DYNC2I2: variants seen among roughly 807,000 people sequenced by gnomAD.
DYNC2I2 encodes the protein cytoplasmic dynein 2 intermediate chain 2.
DYNC2I2 carries 39 observed loss-of-function variants against 52.0 expected under a neutral mutation model. The ratio of observed to expected loss-of-function variants is 0.75; its 90% confidence interval spans 0.58 to 0.98. The LOEUF (loss-of-function observed/expected upper bound fraction) is 0.98, where lower values mean the gene tolerates loss of function less well. Ranked by LOEUF, DYNC2I2 falls within the 50% of genes least tolerant of loss-of-function variation. The probability of loss-of-function intolerance (pLI) is 0.00; values close to 1 mark genes in which losing one functional copy is unlikely to be tolerated. For missense variants in DYNC2I2, 743 were observed against 728.4 expected (o/e 1.02, Z -0.23); for synonymous variants, 359 against 321.1 (o/e 1.12, Z -1.26).
the DYNC2I2 span, among the ~76,000 whole-genome samples, chr9:128,674,965 C>G: frequency 6.6e-6 from 1 of 151,940 alleles, no homozygotes. Flanking sequence ...GAAACTCTAC[C>G]GGGAGATTCC....
the DYNC2I2 span, among the ~76,000 whole-genome samples, chr9:128,679,438 T>C: frequency 6.6e-6 from 1 of 152,170 alleles, no homozygotes; most frequent in Admixed American, 6.6e-5. Context: ...CATTGACTTA[T>C]GACTAAGATT....
At position 128,635,078 on chromosome 9, in the gene DYNC2I2, G is replaced by A. The variant is rs767644037; in HGVS notation, c.981+14C>T. On this transcript the variant is annotated intron_variant, in intron 6 of 8. Transcript: ENST00000372715. ...ACCGGCGCAGGCCAGGGCAGTTTCC[G>A]GGTGCCCACGTACCTTCTTGAGCTT... 1.4e-5 allele frequency: 22 copies of A among 1,603,278 alleles called. No homozygotes were observed. The highest frequency in any genetic ancestry group is 1.9e-4 in the Middle Eastern group (1 of 5,402).
Position 128,640,908 on chromosome 9 carries a change from G to T in DYNC2I2, c.218C>A (p.Ala73Asp), listed in dbSNP as rs769830006. The change falls in exon 2 of 9, where the codon GCC (alanine) becomes GAC (aspartate). Residue 73 changes from alanine to aspartate, a missense_variant. Transcript: ENST00000372715. Reference protein sequence around the residue: ...KSCQTASIATASASAQARNHV... With the variant: ...KSCQTASIATDSASAQARNHV... The stretch of plus-strand genomic sequence containing the variant: ...ATTCCTGGCCTGGGCGGATGCACTG[G>T]CAGTGGCAATGCTGGCCGTCTGGCA... 11 of 1,603,502 alleles carry T rather than the reference G, an allele frequency of 6.9e-6. No homozygotes were observed. The highest frequency in any genetic ancestry group is 9.4e-6 in the Non-Finnish European group (11 of 1,173,338).
At chr9:128,657,444 G>A (rs954424422), upstream of DYNC2I2, among the ~76,000 whole-genome samples, 2 of 151,912 alleles carry the variant, frequency 1.3e-5, no homozygotes, top group African/African-American at 4.8e-5. Context: ...CTGCCATTCC[G>A]CGCGCCCCAC....
At chr9:128,674,765 A>T in the DYNC2I2 span, among the ~76,000 whole-genome samples, 1 of 152,204 alleles carries the variant, frequency 6.6e-6, no homozygotes, top group African/African-American at 2.4e-5. Context: ...AAATGTCTAG[A>T]CATGGAGTTT....
intron 7 of DYNC2I2, 41 bp downstream of exon 7, chr9:128,634,648 G>A: frequency 4.0e-6 from 6 of 1,484,778 alleles, no homozygotes; most frequent in Non-Finnish European, 3.6e-6. Flanking sequence ...GCAGGGCAGG[G>A]ACACCCTGGC....
chr9:128,636,485 C>G (rs1330766671), intron 3 of DYNC2I2, 47 bp from the exon 4 acceptor site: 1 of 1,544,940 alleles, frequency 6.5e-7, no homozygotes, highest in African/African-American at 1.4e-5. Flanking sequence ...GGTGGGGCTC[C>G]TATCACCCAC....
In DYNC2I2 at chr9:128,656,626, C is replaced by A. The variant is rs756767978; in HGVS notation, c.101G>T (p.Arg34Leu). 4.0e-6 allele frequency: 6 copies of A among 1,498,998 alleles called. No homozygotes were observed. The African/African-American group carries it at 5.8e-5, about 14-fold the overall frequency. 92.9% of individuals were successfully genotyped at this position (1,498,998 alleles called of 1,614,324 possible). A position where few individuals can be genotyped will look rare whatever the true frequency, so the allele number is the denominator to read the frequency against. Residue 34 changes from arginine (R) to leucine (L), a missense_variant, in exon 1 of 9, where the codon CGG becomes CTG. Physicochemically the swap from Arg to Leu is moderately radical, Grantham distance 102. Coordinates refer to ENST00000372715, the MANE Select transcript of DYNC2I2 (RefSeq NM_052844.4). ...VGVASGPGPG[R>L]PGPLQDETLG... ...GGTCTCGTCCTGCAGCGGCCCTGGC[C>A]GCCCCGGCCCCGGGCCGCTCGCAAC... is the stretch of plus-strand genomic sequence containing the variant.
At chr9:128,667,947 G>A in the DYNC2I2 span, among the ~76,000 whole-genome samples, 1 of 126,104 alleles carries the variant, frequency 7.9e-6, no homozygotes, top group Non-Finnish European at 1.6e-5. Context: ...TGGCCAGGAT[G>A]GTCTCGATCT....
chr9:128,674,825 C>T, the DYNC2I2 span, among the ~76,000 whole-genome samples: 2 of 152,076 alleles, frequency 1.3e-5, no homozygotes, highest in African/African-American at 2.4e-5. Context: ...GTGATCTGCC[C>T]GTCTCAGCCT....
the DYNC2I2 span, among the ~76,000 whole-genome samples, chr9:128,671,214 ACTTGAGC>A: frequency 2.6e-3 from 392 of 151,312 alleles, 1 homozygote; most frequent in Middle Eastern, 6.9e-3. Flanking sequence ...TGGGAGGGTC[ACTTGAGC>A]CCAGGAGTTC....
At chr9:128,654,962 G>A (rs939973073) in intron 1 of DYNC2I2, among the ~76,000 whole-genome samples, 6 of 151,884 alleles carry the variant, frequency 4.0e-5, no homozygotes, top group Admixed American at 6.6e-5. Flanking sequence ...TGTTACAGCC[G>A]TTGCCACTGC....
the DYNC2I2 span, among the ~76,000 whole-genome samples, chr9:128,665,243 G>A: frequency 6.6e-6 from 1 of 151,604 alleles, no homozygotes; most frequent in African/African-American, 2.4e-5. Context: ...AGTAGAGACA[G>A]GATTTCACCA....
chr9:128,666,248 G>C, the DYNC2I2 span, among the ~76,000 whole-genome samples: 4 of 151,532 alleles, frequency 2.6e-5, no homozygotes, highest in African/African-American at 9.7e-5. Flanking sequence ...TGGGCATGGT[G>C]GTGGGCGCCT....
intron 2 of DYNC2I2, among the ~76,000 whole-genome samples, chr9:128,639,838 G>A (rs1176046462): frequency 6.6e-6 from 1 of 150,806 alleles, no homozygotes; most frequent in Non-Finnish European, 1.5e-5. Context: ...GCTAATTTTT[G>A]TATTTTTAGT....
chr9:128,675,103 G>A, the DYNC2I2 span, among the ~76,000 whole-genome samples: 1 of 152,208 alleles, frequency 6.6e-6, no homozygotes, highest in South Asian at 2.1e-4. Flanking sequence ...GAAAGACAGG[G>A]GTTGGAATCT....
intron 1 of DYNC2I2, among the ~76,000 whole-genome samples, chr9:128,647,136 C>T (rs1195389100): frequency 6.6e-6 from 1 of 152,118 alleles, no homozygotes; most frequent in Non-Finnish European, 1.5e-5. Flanking sequence ...AAAAAACAAA[C>T]ACACAAACAA....
rs1860696600 is a variant in DYNC2I2 at position 128,650,039 on chromosome 9, C to T, written c.186+6502G>A. ...TTTTTAAAAAACTACTGGAAAGCAGCTGGATTAAACTAGTGGTTCTAGTGG... is the reference window on the plus strand; with the variant it reads ...TTTTTAAAAAACTACTGGAAAGCAGTTGGATTAAACTAGTGGTTCTAGTGG... On this transcript the variant is annotated intron_variant, in intron 1 of 8. Coordinates refer to ENST00000372715, the MANE Select transcript of DYNC2I2 (RefSeq NM_052844.4). Among the ~76,000 whole-genome samples the T allele has an allele frequency of 3.5e-5, 2 of 56,904 alleles. 1 individual carries two copies. The highest frequency in any genetic ancestry group is 1.5e-4 in the Non-Finnish European group (2 of 13,456). The allele number at this position is 56,904 out of a possible 152,430, so 37.3% of individuals were successfully genotyped here.
the DYNC2I2 span, among the ~76,000 whole-genome samples, chr9:128,673,419 G>T: frequency 1.8e-5 from 1 of 55,858 alleles, no homozygotes; most frequent in African/African-American, 5.8e-5. Context: ...TGGGCTTACT[G>T]CAACTTCTGC....
Sources: gnomAD v4.1 joint callset for allele counts (sites outside exome capture counted in the v4.1 genomes callset) on GRCh38, gnomAD v4.1.1 for gene constraint, MANE v1.5 for transcripts, NCBI Gene and HGNC (gene_info 2026-07-23, HGNC 2026-07-21) for gene names.